ZFHX3: variants seen among roughly 807,000 people sequenced by gnomAD.
ZFHX3 encodes the protein zinc finger homeobox 3, also known as zinc finger homeobox protein 3.
A neutral mutation model predicts 279.1 loss-of-function variants in ZFHX3; 42 were observed. That is an observed-to-expected ratio of 0.15 (90% CI 0.12 to 0.19). The LOEUF is 0.19. Ranked by LOEUF, ZFHX3 falls within the 10% of genes least tolerant of loss-of-function variation. ZFHX3 has a pLI of 1.00. For missense variants in ZFHX3, 4,981 were observed against 4,754.0 expected, an observed-to-expected ratio of 1.05 and a Z score of -1.40; for synonymous variants, 2,293 against 1,957.8, an observed-to-expected ratio of 1.17 and a Z score of -4.52.
chr16:73,288,779 C>T (rs1324963971), intron 4 of ZFHX3, among the ~76,000 whole-genome samples: 1 of 151,888 alleles, frequency 6.6e-6, no homozygotes, highest in African/African-American at 2.4e-5. Context: ...ACATGCAGTG[C>T]GTATATCTTC....
intron 5 of ZFHX3, among the ~76,000 whole-genome samples, chr16:72,817,745 C>T (rs192374362): frequency 1.3e-5 from 2 of 152,136 alleles, no homozygotes; most frequent in Non-Finnish European, 2.9e-5. Context: ...TGGTAATCAC[C>T]GAAGTGCTGA....
intron 3 of ZFHX3, among the ~76,000 whole-genome samples, chr16:72,907,100 C>G (rs572850431): frequency 6.6e-6 from 1 of 152,306 alleles, no homozygotes; most frequent in Admixed American, 6.5e-5. Context: ...AATCTCAAAT[C>G]CAGTAGCCTG....
intron 4 of ZFHX3, among the ~76,000 whole-genome samples, chr16:72,871,940 C>T (rs2038171764): frequency 6.6e-6 from 1 of 152,038 alleles, no homozygotes; most frequent in East Asian, 1.9e-4. Flanking sequence ...AGAAAATTAG[C>T]CAGGCGTGCT....
intron 7 of ZFHX3, among the ~76,000 whole-genome samples, chr16:73,095,691 C>A (rs77639860): frequency 2.0e-5 from 3 of 152,322 alleles, no homozygotes; most frequent in African/African-American, 7.2e-5. Flanking sequence ...GATTCATAAA[C>A]ATTGGCCTGA....
intron 1 of ZFHX3, among the ~76,000 whole-genome samples, chr16:73,872,014 A>C (rs1042529088): frequency 6.6e-6 from 1 of 152,216 alleles, no homozygotes; most frequent in African/African-American, 2.4e-5. Flanking sequence ...TTATAGGTCT[A>C]ACTGTAAGAT....
intron 1 of ZFHX3, among the ~76,000 whole-genome samples, chr16:73,692,878 A>G (rs2053162625): frequency 6.6e-6 from 1 of 152,224 alleles, no homozygotes; most frequent in African/African-American, 2.4e-5. Context: ...CAGAGCTCCG[A>G]ATGAAACAAA....
At chr16:73,858,696 G>A (rs534917223) in intron 1 of ZFHX3, among the ~76,000 whole-genome samples, 26 of 152,162 alleles carry the variant, frequency 1.7e-4, no homozygotes, top group Non-Finnish European at 2.9e-4. Context: ...AAAACACAAA[G>A]ATAACACAAA....
chr16:73,108,341 AAAGAG>A (rs1227490227), intron 7 of ZFHX3, among the ~76,000 whole-genome samples: 2 of 151,976 alleles, frequency 1.3e-5, no homozygotes, highest in African/African-American at 4.8e-5. Context: ...CTTAAAAAAA[AAAGAG>A]AGAGAGAGAA....
rs139734063 is a variant in ZFHX3, at chr16:73,658,064, T to G, written c.-1547+22116A>C. ...GAGTAGATGCTGTGAAATAAATTTC[T>G]ATTTAGTTTTCTAAAGCTAATTATC... On this transcript the variant is annotated intron_variant, in intron 2 of 17. Transcript: ENST00000641206. Among the ~76,000 whole-genome samples, 84 of 152,366 alleles carry G rather than the reference T, an allele frequency of 5.5e-4. 1 individual carries two copies. The highest frequency in any genetic ancestry group is 1.9e-3 in the African/African-American group (77 of 41,594).
chr16:73,764,993 T>A (rs1403181633), intron 1 of ZFHX3, among the ~76,000 whole-genome samples: 1 of 152,236 alleles, frequency 6.6e-6, no homozygotes, highest in East Asian at 1.9e-4. Context: ...ATCTGAAGAC[T>A]CTTTTCCCAT....
At chr16:73,249,731 T>A (rs2013423755) in intron 5 of ZFHX3, among the ~76,000 whole-genome samples, 1 of 151,960 alleles carries the variant, frequency 6.6e-6, no homozygotes, top group Non-Finnish European at 1.5e-5. Flanking sequence ...AAAATTCTAC[T>A]GTTGTATCTT....
intron 7 of ZFHX3, among the ~76,000 whole-genome samples, chr16:73,111,852 G>A (rs543205953): frequency 6.6e-6 from 1 of 152,258 alleles, no homozygotes; most frequent in East Asian, 1.9e-4. Flanking sequence ...GAAACTCCAA[G>A]AAGCATTTCT....
intron 9 of ZFHX3, chr16:72,791,422 G>A (rs910453245): frequency 9.2e-5 from 14 of 152,170 alleles, no homozygotes; most frequent in African/African-American, 3.4e-4. Context: ...TAAGTGGTCA[G>A]AACTTGAGTA....
In ZFHX3 at chr16:73,388,113, G is replaced by A. The variant is rs916382895; in HGVS notation, c.-1291+67890C>T. Reference sequence around the variant, plus strand: ...CAGTGCCACACAGTGCACTTGAGAAGCAATGCGGCAGGCTATTCTTGCCCT... The same window carrying A: ...CAGTGCCACACAGTGCACTTGAGAAACAATGCGGCAGGCTATTCTTGCCCT... On this transcript the variant is annotated intron_variant, in intron 3 of 17. Transcript: ENST00000641206. 2.0e-5 allele frequency among the ~76,000 whole-genome samples: 3 copies of A among 152,236 alleles called. No homozygotes were observed. In the East Asian group the frequency reaches 5.8e-4, roughly 30 times the overall value.
intron 1 of ZFHX3, among the ~76,000 whole-genome samples, chr16:73,857,447 G>C (rs372463353): frequency 1.0e-3 from 152 of 152,306 alleles, no homozygotes; most frequent in African/African-American, 3.3e-3. Flanking sequence ...TTAGCATAAA[G>C]TAACCCCACT....
chr16:73,765,479 A>T (rs979375373), intron 1 of ZFHX3, among the ~76,000 whole-genome samples: 6 of 152,236 alleles, frequency 3.9e-5, no homozygotes, highest in African/African-American at 1.4e-4. Flanking sequence ...GATAGAATAG[A>T]AAGAATTGTG....
intron 7 of ZFHX3, chr16:72,806,154 C>G (rs944015034): frequency 6.6e-6 from 1 of 152,220 alleles, no homozygotes; most frequent in Non-Finnish European, 1.5e-5. Flanking sequence ...CCACTTTGGC[C>G]TCCTTGTTTC....
chr16:73,347,674 T>G (rs1360371135), intron 3 of ZFHX3, among the ~76,000 whole-genome samples: 1 of 152,266 alleles, frequency 6.6e-6, no homozygotes, highest in Non-Finnish European at 1.5e-5. Flanking sequence ...TATTTGTCTG[T>G]TACAGTAGTT....
At chr16:73,519,240 A>T (rs1482603116) in intron 2 of ZFHX3, among the ~76,000 whole-genome samples, 1 of 150,938 alleles carries the variant, frequency 6.6e-6, no homozygotes, top group African/African-American at 2.4e-5. Flanking sequence ...ATTTTCCATT[A>T]AAAAAAAAGA....
Sources: allele counts gnomAD v4.1 joint callset (sites outside exome capture counted in the v4.1 genomes callset), GRCh38; gene constraint gnomAD v4.1.1; transcripts MANE v1.5; gene names NCBI Gene and HGNC (gene_info 2026-07-23, HGNC 2026-07-21).